MTMR14: variants seen among roughly 807,000 people sequenced by gnomAD.
MTMR14 encodes the protein myotubularin related protein 14, also known as phosphatidylinositol-3,5-bisphosphate 3-phosphatase MTMR14.
MTMR14 carries 48 observed loss-of-function variants against 86.3 expected under a neutral mutation model. The ratio of observed to expected loss-of-function variants is 0.56; its 90% CI spans 0.44 to 0.71. The LOEUF (loss-of-function observed/expected upper bound fraction) is 0.71, where lower values mean the gene tolerates loss of function less well. Among genes scored for constraint, MTMR14 ranks in the 30% least tolerant of loss-of-function variants. MTMR14 has a pLI of 0.00. For synonymous variants in MTMR14, 366 were observed against 326.1 expected (o/e 1.12, Z -1.32); for missense variants, 780 against 834.6 (o/e 0.93, Z 0.81).
chr3:9,687,222 A>G lies in MTMR14; in HGVS notation c.1165-599A>G, dbSNP rs558632172. ...CCATTTCACTTTATCCTTTTTAACC[A>G]CTTGAGAACACACATGTTGAATTTA... On this transcript the variant is annotated intron_variant, in intron 13 of 18. Coordinates refer to ENST00000296003, the MANE Select transcript of MTMR14 (RefSeq NM_001077525.3). Among the ~76,000 whole-genome samples, 20 of 152,018 alleles carry G rather than the reference A, an allele frequency of 1.3e-4. No individual in the cohort carries two copies. The East Asian group carries it at 3.7e-3, about 28-fold the overall frequency.
chr3:9,659,212 A>G (rs2047780847), intron 2 of MTMR14, among the ~76,000 whole-genome samples: 4 of 152,180 alleles, frequency 2.6e-5, no homozygotes, highest in Non-Finnish European at 5.9e-5. Context: ...CCTGGGCAAC[A>G]GAGGAAGACC....
In MTMR14 at chr3:9,688,692, C is replaced by G; in HGVS notation, c.1236-4C>G. On this transcript the variant is annotated splice_polypyrimidine_tract_variant and splice_region_variant and intron_variant, in intron 14 of 18. Coordinates refer to ENST00000296003, the MANE Select transcript of MTMR14 (RefSeq NM_001077525.3). ...GAATTTACTGCTCCGGCTTCCATTT[C>G]TAGGAGGAAGAGTTTGCCAGCCCGG... 1 of 1,614,150 alleles carries G rather than the reference C, an allele frequency of 6.2e-7. No homozygotes were observed. The highest frequency in any genetic ancestry group is 8.5e-7 in the Non-Finnish European group (1 of 1,180,022).
intron 17 of MTMR14, among the ~76,000 whole-genome samples, chr3:9,691,116 A>G (rs1165723347): frequency 1.3e-5 from 2 of 152,244 alleles, no homozygotes; most frequent in African/African-American, 4.8e-5. Flanking sequence ...TCCTCTGCAC[A>G]TAGGCAGAGC....
At chr3:9,682,769 G>A (rs140815522) in intron 9 of MTMR14, among the ~76,000 whole-genome samples, 40 of 152,360 alleles carry the variant, frequency 2.6e-4, no homozygotes, top group Middle Eastern at 3.4e-3. Flanking sequence ...GTGGCCATTT[G>A]GAGACATTGG....
chr3:9,682,579 C>T (rs958581865), intron 9 of MTMR14, among the ~76,000 whole-genome samples: 2 of 152,188 alleles, frequency 1.3e-5, no homozygotes, highest in Admixed American at 1.3e-4. Flanking sequence ...GCTTAATTTT[C>T]CATCTCCCAC....
rs2048639065 is a variant in MTMR14, at chr3:9,672,736, T to G, written c.729T>G (p.Thr243=). 3 of 1,614,170 alleles carry G rather than the reference T, an allele frequency of 1.9e-6. No individual in the cohort carries two copies. Among genetic ancestry groups the G allele is most frequent in the African/African-American group, 2.7e-5 (2 of 75,024 alleles). Residue 243 remains threonine (T), a synonymous_variant, in exon 7 of 19, where the codon ACT becomes ACG. Transcript: ENST00000296003. ...AAGCCCAGCGCTATGCCGACTTCAC[T>G]CTCCTCTCCATCCCGTATCCAGGTA... ...VDKAQRYADF[T]LLSIPYPGCE...
chr3:9,695,039 C>T (rs1360564399), intron 17 of MTMR14, among the ~76,000 whole-genome samples: 1 of 152,202 alleles, frequency 6.6e-6, no homozygotes, highest in Non-Finnish European at 1.5e-5. Context: ...CTCTCCAGTC[C>T]TGTAGTGGGA....
chr3:9,677,039 G>C lies in MTMR14; in HGVS notation c.752-278G>C, dbSNP rs1042042876. Among the ~76,000 whole-genome samples, 3 of 152,374 alleles carry C rather than the reference G, an allele frequency of 2.0e-5. No homozygotes were observed. Among genetic ancestry groups the C allele is most frequent in the Admixed American group, 6.5e-5 (1 of 15,310 alleles). ...TTGCAATGTGGGGGAAGTGACTGGT[G>C]ACCAGTGAGCATAGATGGAGAAAGT... is the stretch of plus-strand genomic sequence containing the variant. On this transcript the variant is annotated intron_variant, in intron 7 of 18. Transcript: ENST00000296003. The surrounding 1 kb of genome is among the most constrained non-coding windows in gnomAD (Gnocchi z 4.2).
intron 1 of MTMR14, 45 bp downstream of exon 1, chr3:9,649,787 G>A: frequency 6.2e-7 from 1 of 1,608,914 alleles, no homozygotes; most frequent in Non-Finnish European, 8.5e-7. Flanking sequence ...CCTAACTTGG[G>A]AAGTTACAGA....
Position 9,680,699 on chromosome 3 carries a change from T to C in MTMR14, c.898-2479T>C, listed in dbSNP as rs1345350643. The stretch of plus-strand genomic sequence containing the variant: ...TCTCTACTAAAAAATTAGCCGGGCG[T>C]GGTGGCGGGCGCCTGTAGTGCCAGC... On this transcript the variant is annotated intron_variant, in intron 9 of 18. Transcript: ENST00000296003. Among the ~76,000 whole-genome samples the C allele has an allele frequency of 4.6e-5, 7 of 152,166 alleles. No individual in the cohort carries two copies. The East Asian group carries it at 7.7e-4, about 17-fold the overall frequency.
chr3:9,678,474 G>A (rs953633842), intron 9 of MTMR14, among the ~76,000 whole-genome samples: 23 of 152,164 alleles, frequency 1.5e-4, no homozygotes, highest in African/African-American at 5.3e-4. Context: ...GCTCTTCTCC[G>A]TCATTGCACA....
At chr3:9,651,031 C>T (rs1041090564) in intron 1 of MTMR14, among the ~76,000 whole-genome samples, 1 of 152,154 alleles carries the variant, frequency 6.6e-6, no homozygotes, top group Non-Finnish European at 1.5e-5. Flanking sequence ...CTCAGGTGAT[C>T]CGCCTACCTC....
intron 17 of MTMR14, among the ~76,000 whole-genome samples, chr3:9,694,253 CT>C: frequency 6.6e-6 from 1 of 152,280 alleles, no homozygotes; most frequent in Admixed American, 6.5e-5. Context: ...AGCTGTCTGA[CT>C]TGGAAAAATC....
At chr3:9,666,376 G>A (rs542990365) in intron 3 of MTMR14, among the ~76,000 whole-genome samples, 1 of 151,716 alleles carries the variant, frequency 6.6e-6, no homozygotes, top group African/African-American at 2.4e-5. Context: ...CAAGTGATCT[G>A]CCCACTCTGG....
At chr3:9,685,715 C>G (rs2075922477) in intron 13 of MTMR14, among the ~76,000 whole-genome samples, 1 of 152,168 alleles carries the variant, frequency 6.6e-6, no homozygotes, top group Admixed American at 6.5e-5. Flanking sequence ...CTCCAGGTCC[C>G]CTTTCCTCTG....
chr3:9,666,807 A>T (rs2048278032), intron 3 of MTMR14, among the ~76,000 whole-genome samples: 1 of 152,218 alleles, frequency 6.6e-6, no homozygotes, highest in Non-Finnish European at 1.5e-5. Flanking sequence ...CTAACTAGGT[A>T]AATGGAGAGC....
At chr3:9,665,421 G>T (rs1297394877) in intron 3 of MTMR14, among the ~76,000 whole-genome samples, 1 of 152,172 alleles carries the variant, frequency 6.6e-6, no homozygotes, top group Non-Finnish European at 1.5e-5. Flanking sequence ...GCTAAATAGC[G>T]GGTACGCATG....
chr3:9,682,008 G>A (rs550705888), intron 9 of MTMR14, among the ~76,000 whole-genome samples: 2 of 152,262 alleles, frequency 1.3e-5, no homozygotes, highest in South Asian at 4.1e-4. Flanking sequence ...TGCCCTCCCC[G>A]GCTGCTGCAG....
At chr3:9,700,716 G>C (rs961750001) in intron 18 of MTMR14, 1 of 152,190 alleles carries the variant, frequency 6.6e-6, no homozygotes, top group African/African-American at 2.4e-5. Context: ...TTCCAGTGGG[G>C]AACCCTGGCT....
Sources: allele counts gnomAD v4.1 joint callset (sites outside exome capture counted in the v4.1 genomes callset), GRCh38; gene constraint gnomAD v4.1.1; non-coding constraint Gnocchi (gnomAD v3.1); transcripts MANE v1.5; gene names NCBI Gene and HGNC (gene_info 2026-07-23, HGNC 2026-07-21).